The following NMNAT2 variants were observed in gnomAD, a reference collection of about 807,000 sequenced individuals.
NMNAT2 encodes the protein nicotinamide/nicotinic acid mononucleotide adenylyltransferase 2.
Under a neutral mutation model 41.6 loss-of-function variants are expected in NMNAT2, and 11 were observed. The observed-to-expected ratio is 0.26, with a 90% CI of 0.17 to 0.44. The LOEUF is 0.44. NMNAT2 is among the 20% of genes least tolerant of loss of function. The pLI, the probability that NMNAT2 is intolerant of heterozygous loss-of-function variation, is 1.00. For missense variants in NMNAT2, 288 were observed against 407.7 expected (o/e 0.71, Z 2.53); for synonymous variants, 148 against 151.2 (o/e 0.98, Z 0.16).
chr1:183,277,255 G>A (rs1661145236), intron 8 of NMNAT2, among the ~76,000 whole-genome samples: 1 of 152,172 alleles, frequency 6.6e-6, no homozygotes, highest in Non-Finnish European at 1.5e-5. Context: ...GGCTGAGGCA[G>A]GCAGATCACC....
intron 1 of NMNAT2, among the ~76,000 whole-genome samples, chr1:183,392,350 C>T (rs1015559607): frequency 4.6e-5 from 7 of 152,096 alleles, no homozygotes; most frequent in African/African-American, 1.7e-4. Context: ...TATCTGATAC[C>T]CTATCACTTT....
At chr1:183,396,307 C>A (rs1648648434) in intron 1 of NMNAT2, among the ~76,000 whole-genome samples, 3 of 152,088 alleles carry the variant, frequency 2.0e-5, no homozygotes, top group Admixed American at 6.6e-5. Flanking sequence ...AGGTGATGGT[C>A]AGGCGGTTGT....
rs200077910 is a variant in NMNAT2 at position 183,418,176 on chromosome 1, G to A, written c.85+7C>T. On this transcript the variant is annotated splice_region_variant and intron_variant, in intron 1 of 10. Transcript: ENST00000287713. ...AGCGGCTTCCAGAGGTGGGCGGGAG[G>A]ACTCACCAAACATCTGAATGTGCCC... 1.2e-6 allele frequency: 2 copies of A among 1,612,834 alleles called. No homozygotes were observed. Among genetic ancestry groups the A allele is most frequent in the African/African-American group, 2.7e-5 (2 of 74,882 alleles).
At chr1:183,318,338 C>A (rs1046587672) in intron 1 of NMNAT2, among the ~76,000 whole-genome samples, 1 of 152,152 alleles carries the variant, frequency 6.6e-6, no homozygotes, top group Non-Finnish European at 1.5e-5. Context: ...AAAGTCCAGG[C>A]CAGATGAGGA....
intron 1 of NMNAT2, among the ~76,000 whole-genome samples, chr1:183,402,561 TCTTTAAA>T (rs1443009144): frequency 2.0e-5 from 3 of 152,240 alleles, no homozygotes; most frequent in Non-Finnish European, 4.4e-5. Flanking sequence ...GAATAAACTC[TCTTTAAA>T]CTAGATTCTG....
intron 1 of NMNAT2, among the ~76,000 whole-genome samples, chr1:183,345,610 C>T (rs1055496168): frequency 6.6e-6 from 1 of 152,148 alleles, no homozygotes; most frequent in African/African-American, 2.4e-5. Context: ...GGCCCCCCAG[C>T]AGGAAGGCCC....
rs1344385914 is a variant in NMNAT2, at chr1:183,314,790, C to G, written c.86-20997G>C. 3.9e-5 allele frequency among the ~76,000 whole-genome samples: 6 copies of G among 152,266 alleles called. No homozygotes were observed. The East Asian group carries it at 5.8e-4, about 15-fold the overall frequency. Reference sequence around the variant, plus strand: ...GCTACTCAAGAAGCTGAGGCAGGAGCCTTCCTTGAGCCCAGGAGTTTGAAA... The same window carrying G: ...GCTACTCAAGAAGCTGAGGCAGGAGGCTTCCTTGAGCCCAGGAGTTTGAAA... On this transcript the variant is annotated intron_variant, in intron 1 of 10. Coordinates refer to ENST00000287713, the MANE Select transcript of NMNAT2 (RefSeq NM_015039.4).
At chr1:183,310,239 T>G (rs1303533083) in intron 1 of NMNAT2, among the ~76,000 whole-genome samples, 1 of 152,188 alleles carries the variant, frequency 6.6e-6, no homozygotes, top group Non-Finnish European at 1.5e-5. Context: ...GGCCTGGTGA[T>G]CTGAATCTTA....
At chr1:183,404,539 T>C (rs1384807673) in intron 1 of NMNAT2, among the ~76,000 whole-genome samples, 1 of 152,274 alleles carries the variant, frequency 6.6e-6, no homozygotes, top group East Asian at 1.9e-4. Flanking sequence ...ATCACTGATA[T>C]AGGAACATCT....
intron 1 of NMNAT2, among the ~76,000 whole-genome samples, chr1:183,401,708 A>G (rs1456423348): frequency 1.3e-5 from 2 of 152,210 alleles, no homozygotes. Flanking sequence ...AATGTGGCAC[A>G]TGTACACCAT....
chr1:183,307,683 T>A (rs1662024682), intron 1 of NMNAT2, among the ~76,000 whole-genome samples: 1 of 152,218 alleles, frequency 6.6e-6, no homozygotes, highest in Non-Finnish European at 1.5e-5. Context: ...CCTCAGGTGA[T>A]CTGCCCACCT....
At chr1:183,292,733 C>T in intron 3 of NMNAT2, 57 bp downstream of exon 3, 1 of 1,499,730 alleles carries the variant, frequency 6.7e-7, no homozygotes, top group East Asian at 2.3e-5. Context: ...TTTTTCCCCA[C>T]CCCACTCCCA....
At chr1:183,346,787 C>G (rs539117990) in intron 1 of NMNAT2, among the ~76,000 whole-genome samples, 1 of 152,258 alleles carries the variant, frequency 6.6e-6, no homozygotes, top group East Asian at 1.9e-4. Flanking sequence ...TTGCCTGATT[C>G]TAGAATCACA....
intron 1 of NMNAT2, among the ~76,000 whole-genome samples, chr1:183,379,234 G>A (rs1165338055): frequency 6.6e-6 from 1 of 152,098 alleles, no homozygotes; most frequent in Non-Finnish European, 1.5e-5. Flanking sequence ...AGGCTGGAAT[G>A]CAGTGGCATG....
chr1:183,391,103 GC>G (rs1337476079), intron 1 of NMNAT2, among the ~76,000 whole-genome samples: 4 of 152,134 alleles, frequency 2.6e-5, no homozygotes, highest in Non-Finnish European at 4.4e-5. Context: ...AATGCCAAAG[GC>G]CTTGGAGAAA....
intron 1 of NMNAT2, among the ~76,000 whole-genome samples, chr1:183,335,119 T>C (rs542465676): frequency 6.6e-6 from 1 of 152,216 alleles, no homozygotes; most frequent in Non-Finnish European, 1.5e-5. Context: ...TCCACTGAAC[T>C]GTTGCATTAT....
At chr1:183,305,831 C>T (rs140901264) in intron 1 of NMNAT2, among the ~76,000 whole-genome samples, 1,544 of 151,610 alleles carry the variant, frequency 0.01, 33 homozygotes, top group African/African-American at 0.035. Context: ...AGTGATTCTC[C>T]CGCCTTAGCC....
At chr1:183,271,074 G>A (rs954627766) in intron 8 of NMNAT2, among the ~76,000 whole-genome samples, 2 of 151,918 alleles carry the variant, frequency 1.3e-5, no homozygotes, top group Non-Finnish European at 2.9e-5. Context: ...TTTGAGGAGC[G>A]CAAAAAGAAA....
At chr1:183,348,080 C>G (rs1662970142) in intron 1 of NMNAT2, among the ~76,000 whole-genome samples, 1 of 152,138 alleles carries the variant, frequency 6.6e-6, no homozygotes, top group African/African-American at 2.4e-5. Context: ...CTTTAAAAGA[C>G]AGGACCTATA....
Sources: allele counts gnomAD v4.1 joint callset (sites outside exome capture counted in the v4.1 genomes callset), GRCh38; gene constraint gnomAD v4.1.1; transcripts MANE v1.5; gene names NCBI Gene and HGNC (gene_info 2026-07-23, HGNC 2026-07-21).